The following CDH4 variants were observed in gnomAD, a reference collection of about 807,000 sequenced individuals.
CDH4 encodes the protein cadherin 4.
A neutral mutation model predicts 86.0 loss-of-function variants in CDH4; 33 were observed. That is an observed-to-expected ratio of 0.38 (90% CI 0.29 to 0.51). CDH4 has a LOEUF of 0.51. CDH4 is among the 20% of genes least tolerant of loss of function. The probability of loss-of-function intolerance (pLI) is 0.86; values close to 1 mark genes in which losing one functional copy is unlikely to be tolerated. For synonymous variants in CDH4, 555 were observed against 549.4 expected (o/e 1.01, Z -0.14); for missense variants, 1,114 against 1,307.4 (o/e 0.85, Z 2.28).
intron 15 of CDH4, among the ~76,000 whole-genome samples, chr20:61,936,430 A>T (rs3746646): frequency 0.034 from 923 of 27,518 alleles, 65 homozygotes; most frequent in East Asian, 0.15. Flanking sequence ...CCCCCCCCCC[A>T]TCTGCCCTTG....
At chr20:61,820,665 T>G (rs1367047142) in intron 4 of CDH4, among the ~76,000 whole-genome samples, 1 of 152,190 alleles carries the variant, frequency 6.6e-6, no homozygotes, top group Non-Finnish European at 1.5e-5. Context: ...CCCATCCCTC[T>G]TGTGTTCTTG....
intron 2 of CDH4, among the ~76,000 whole-genome samples, chr20:61,727,998 G>A (rs2088135682): frequency 6.6e-6 from 1 of 152,342 alleles, no homozygotes; most frequent in African/African-American, 2.4e-5. Flanking sequence ...TCCCAGCAGT[G>A]TAGGAAGCAC....
chr20:61,466,090 G>A (rs2085470173), intron 2 of CDH4, among the ~76,000 whole-genome samples: 3 of 152,144 alleles, frequency 2.0e-5, no homozygotes, highest in Admixed American at 1.3e-4. Flanking sequence ...GTGTTCCTGT[G>A]CACCCAAGGA....
chr20:61,454,749 G>A (rs1278037222), intron 2 of CDH4, among the ~76,000 whole-genome samples: 1 of 152,108 alleles, frequency 6.6e-6, no homozygotes, highest in Non-Finnish European at 1.5e-5. Context: ...CCTGCTGGGA[G>A]GAGCATTTTA....
chr20:61,576,640 C>A (rs2086384526), intron 2 of CDH4, among the ~76,000 whole-genome samples: 1 of 152,218 alleles, frequency 6.6e-6, no homozygotes, highest in African/African-American at 2.4e-5. Flanking sequence ...CTGCTGTTCT[C>A]TCCTCTGGGC....
At chr20:61,383,336 G>GTGATATATATGAATATA (rs2084919532) in intron 2 of CDH4, among the ~76,000 whole-genome samples, 1 of 604 alleles carries the variant, frequency 1.7e-3, no homozygotes, top group African/African-American at 2.4e-3. Context: ...ATGAATATAT[G>GTGATATATATGAATATA]TGATATATAT....
intron 2 of CDH4, chr20:61,570,178 G>A (rs1410469712): frequency 6.3e-6 from 1 of 159,486 alleles, no homozygotes; most frequent in African/African-American, 2.4e-5. Flanking sequence ...AGGTTCTGGA[G>A]AAGGCATTGA....
chr20:61,804,661 A>G (rs917831738), intron 4 of CDH4, among the ~76,000 whole-genome samples: 6 of 152,118 alleles, frequency 3.9e-5, no homozygotes, highest in Admixed American at 2.6e-4. Flanking sequence ...CTGCTGCCTC[A>G]GTGTGGGGAT....
At chr20:61,746,080 A>T (rs2088411027) in intron 3 of CDH4, among the ~76,000 whole-genome samples, 1 of 151,614 alleles carries the variant, frequency 6.6e-6, no homozygotes, top group South Asian at 2.1e-4. Flanking sequence ...GGGAGCCCAG[A>T]TGTTAAACCA....
chr20:61,685,589 G>A (rs866434411), intron 2 of CDH4, among the ~76,000 whole-genome samples: 20 of 152,142 alleles, frequency 1.3e-4, no homozygotes, highest in African/African-American at 4.3e-4. Context: ...GTCCTGATTC[G>A]GTCCTAGTGA....
At chr20:61,876,481 G>A (rs769160544) in intron 7 of CDH4, among the ~76,000 whole-genome samples, 1 of 152,234 alleles carries the variant, frequency 6.6e-6, no homozygotes, top group Non-Finnish European at 1.5e-5. Flanking sequence ...GAAGGGGAAG[G>A]TGTGGGAGTT....
At chr20:61,592,987 C>T (rs2145734069) in intron 2 of CDH4, among the ~76,000 whole-genome samples, 1 of 152,174 alleles carries the variant, frequency 6.6e-6, no homozygotes, top group Non-Finnish European at 1.5e-5. Context: ...AGTGCACTCA[C>T]AGGGTCCTTA....
intron 5 of CDH4, among the ~76,000 whole-genome samples, chr20:61,849,214 C>T (rs1018265824): frequency 9.9e-5 from 15 of 151,894 alleles, no homozygotes; most frequent in African/African-American, 3.6e-4. Context: ...GCTTTCCTGC[C>T]CTTCCCTGGA....
At chr20:61,892,033 A>T (rs571403338) in intron 7 of CDH4, among the ~76,000 whole-genome samples, 1 of 152,342 alleles carries the variant, frequency 6.6e-6, no homozygotes, top group Non-Finnish European at 1.5e-5. Flanking sequence ...CTGTGCAGAT[A>T]CTCAGCTCTG....
intron 4 of CDH4, among the ~76,000 whole-genome samples, chr20:61,793,534 C>G (rs1010906068): frequency 6.6e-6 from 1 of 152,066 alleles, no homozygotes; most frequent in African/African-American, 2.4e-5. Context: ...CAGTCATTTT[C>G]AGGATCCCAG....
At chr20:61,386,386 C>T (rs972222516) in intron 2 of CDH4, among the ~76,000 whole-genome samples, 2 of 152,160 alleles carry the variant, frequency 1.3e-5, no homozygotes, top group Non-Finnish European at 2.9e-5. Context: ...AGTGGATTCT[C>T]ACCTCCCAGC....
At chr20:61,362,032 A>C (rs899245670) in intron 2 of CDH4, among the ~76,000 whole-genome samples, 6 of 152,220 alleles carry the variant, frequency 3.9e-5, no homozygotes, top group Non-Finnish European at 7.3e-5. Context: ...CTCGGAGAGC[A>C]GTGGGTGCTG....
At chr20:61,545,520 T>A (rs1384567182) in intron 2 of CDH4, among the ~76,000 whole-genome samples, 3 of 152,228 alleles carry the variant, frequency 2.0e-5, no homozygotes, top group African/African-American at 7.2e-5. Context: ...GGCACCCACA[T>A]CTTCCCCACT....
intron 4 of CDH4, among the ~76,000 whole-genome samples, chr20:61,830,800 C>G (rs1981569724): frequency 6.6e-6 from 1 of 152,218 alleles, no homozygotes; most frequent in African/African-American, 2.4e-5. Context: ...CCTTTCTTGC[C>G]TCTACACATC....
Sources: allele counts gnomAD v4.1 joint callset (sites outside exome capture counted in the v4.1 genomes callset), GRCh38; gene constraint gnomAD v4.1.1; transcripts MANE v1.5; gene names NCBI Gene and HGNC (gene_info 2026-07-23, HGNC 2026-07-21).